CACNB2: variants seen among roughly 807,000 people sequenced by gnomAD.
CACNB2 encodes calcium voltage-gated channel auxiliary subunit beta 2.
Under a neutral mutation model 73.3 loss-of-function variants are expected in CACNB2, and 42 were observed. The ratio of observed to expected loss-of-function variants is 0.57; its 90% confidence interval spans 0.45 to 0.74. The LOEUF (loss-of-function observed/expected upper bound fraction) is 0.74, where lower values mean the gene tolerates loss of function less well. Among genes scored for constraint, CACNB2 ranks in the 30% least tolerant of loss-of-function variants. The pLI, the probability that CACNB2 is intolerant of heterozygous loss-of-function variation, is 0.00. For missense variants in CACNB2, 940 were observed against 853.0 expected, an observed-to-expected ratio of 1.10 and a Z score of -1.27; for synonymous variants, 348 against 310.3, an observed-to-expected ratio of 1.12 and a Z score of -1.28.
intron 2 of CACNB2, among the ~76,000 whole-genome samples, chr10:18,170,029 C>T (rs926827585): frequency 2.0e-5 from 3 of 152,192 alleles, no homozygotes; most frequent in Non-Finnish European, 2.9e-5. Flanking sequence ...GCTTTAGGCC[C>T]ACTTTCTTCC....
rs1164745930 is a variant in CACNB2, at chr10:18,228,433, C to CA, written c.213+77474dup. 1.8e-3 allele frequency among the ~76,000 whole-genome samples: 63 copies of CA among 34,788 alleles called. 2 individuals are homozygous for CA. Among genetic ancestry groups the CA allele is most frequent in the East Asian group, 4.9e-3 (6 of 1,218 alleles). The allele number at this position is 34,788 out of a possible 152,430, so 22.8% of individuals were successfully genotyped here. The stretch of plus-strand genomic sequence containing the variant: ...GAGCAACAAGAGCAAAACTCTACCT[C>CA]AAAAAAAAAAAAAAAAGAAAAAAAA... On this transcript the variant is annotated intron_variant, in intron 2 of 13. Transcript: ENST00000324631.
chr10:18,418,799 C>T (rs1039446053), intron 3 of CACNB2, among the ~76,000 whole-genome samples: 1 of 152,214 alleles, frequency 6.6e-6, no homozygotes, highest in East Asian at 1.9e-4. Context: ...ATCATGGTCT[C>T]ATCCTGCCCT....
intron 2 of CACNB2, chr10:18,224,368 G>A (rs916354669): frequency 6.7e-6 from 1 of 150,364 alleles, no homozygotes; most frequent in Non-Finnish European, 1.5e-5. Flanking sequence ...TTTCTTTGTA[G>A]TCTCAAAGCT....
chr10:18,171,521 G>GAAAAAAAAA lies in CACNB2; in HGVS notation c.213+20566_213+20574dup, dbSNP rs370201485. On this transcript the variant is annotated intron_variant, in intron 2 of 13. Transcript: ENST00000324631. ...TCCCTTCTTCCCGGCTTTGATAGCA[G>GAAAAAAAAA]AAAAAAAAAAAAAAAAAAAAAAAAA... 1.2e-3 allele frequency among the ~76,000 whole-genome samples: 40 copies of GAAAAAAAAA among 32,604 alleles called. 11 individuals carry two copies. Among genetic ancestry groups the GAAAAAAAAA allele is most frequent in the Non-Finnish European group, 1.5e-3 (27 of 17,508 alleles). 21.4% of individuals were successfully genotyped at this position (32,604 alleles called of 152,430 possible). A position where few individuals can be genotyped will look rare whatever the true frequency, so the allele number is the denominator to read the frequency against.
At chr10:18,214,039 A>G (rs2131362355) in intron 2 of CACNB2, among the ~76,000 whole-genome samples, 1 of 152,290 alleles carries the variant, frequency 6.6e-6, no homozygotes, top group Admixed American at 6.5e-5. Context: ...GAAGATTCCC[A>G]GTTTACTTCA....
chr10:18,373,473 C>CA (rs1178288269), intron 2 of CACNB2, among the ~76,000 whole-genome samples: 15 of 152,132 alleles, frequency 9.9e-5, no homozygotes, highest in African/African-American at 3.4e-4. Flanking sequence ...TTATTCCAAA[C>CA]AATGTTTTTA....
At chr10:18,413,665 C>G (rs2044765230) in intron 3 of CACNB2, among the ~76,000 whole-genome samples, 1 of 152,238 alleles carries the variant, frequency 6.6e-6, no homozygotes. Context: ...CATGCATTCT[C>G]TATGCAACTG....
rs145769477 is a variant in CACNB2 at position 18,398,829 on chromosome 10, T to C, written c.214-3095T>C. 6.2e-3 allele frequency among the ~76,000 whole-genome samples: 943 copies of C among 152,292 alleles called. 2 individuals carry two copies. Among genetic ancestry groups the C allele is most frequent in the Non-Finnish European group, 0.01 (714 of 68,024 alleles). On this transcript the variant is annotated intron_variant, in intron 2 of 13. Coordinates refer to ENST00000324631, the MANE Select transcript of CACNB2 (RefSeq NM_201596.3). ...GATCAATTGGTAGTCACATCCTGTA[T>C]TATAAAATAGTCAAGCCATTGCCAA...
At chr10:18,393,429 T>C (rs964205003) in intron 2 of CACNB2, among the ~76,000 whole-genome samples, 1 of 152,222 alleles carries the variant, frequency 6.6e-6, no homozygotes, top group Non-Finnish European at 1.5e-5. Context: ...GAGCAGAGGC[T>C]CTTCTATAAA....
At chr10:18,498,679 C>G in intron 4 of CACNB2, 1 of 576,632 alleles carries the variant, frequency 1.7e-6, no homozygotes, top group East Asian at 3.2e-5. Context: ...AGGCCTCTTG[C>G]AATAACTTCA....
chr10:18,319,807 T>C (rs951420665), intron 2 of CACNB2, among the ~76,000 whole-genome samples: 14 of 152,114 alleles, frequency 9.2e-5, no homozygotes, highest in African/African-American at 3.4e-4. Context: ...AGCTGAGACC[T>C]GTATGACAAG....
chr10:18,502,793 C>A (rs1381357973), intron 5 of CACNB2, among the ~76,000 whole-genome samples: 2 of 147,832 alleles, frequency 1.4e-5, no homozygotes, highest in East Asian at 3.9e-4. Context: ...ACATAAGACA[C>A]TGGGGACTAC....
intron 2 of CACNB2, among the ~76,000 whole-genome samples, chr10:18,315,520 A>AAC (rs1564429282): frequency 2.3e-5 from 3 of 130,616 alleles, no homozygotes; most frequent in African/African-American, 8.7e-5. Context: ...AAAAAAAAAA[A>AAC]AAAAAAAACT....
intron 2 of CACNB2, among the ~76,000 whole-genome samples, chr10:18,267,010 G>C (rs1257654942): frequency 6.6e-6 from 1 of 152,112 alleles, no homozygotes; most frequent in Admixed American, 6.6e-5. Flanking sequence ...GTGTGTGTGT[G>C]TATATATGTG....
intron 2 of CACNB2, among the ~76,000 whole-genome samples, chr10:18,251,689 T>TG (rs2037097368): frequency 6.6e-6 from 1 of 152,224 alleles, no homozygotes; most frequent in Non-Finnish European, 1.5e-5. Flanking sequence ...ACAGGAGGCA[T>TG]GGCTGAGAAG....
chr10:18,473,620 T>C (rs1028528323), intron 3 of CACNB2, among the ~76,000 whole-genome samples: 1 of 152,206 alleles, frequency 6.6e-6, no homozygotes, highest in Admixed American at 6.5e-5. Flanking sequence ...TCAATACTTT[T>C]CTGGTGCACT....
chr10:18,357,616 A>C (rs548180127), intron 2 of CACNB2, among the ~76,000 whole-genome samples: 27 of 152,328 alleles, frequency 1.8e-4, no homozygotes, highest in African/African-American at 5.8e-4. Flanking sequence ...AATTCAGTAT[A>C]TTTTACAACT....
At chr10:18,235,675 G>T (rs547901042) in intron 2 of CACNB2, among the ~76,000 whole-genome samples, 2 of 152,184 alleles carry the variant, frequency 1.3e-5, no homozygotes, top group East Asian at 3.9e-4. Context: ...AAGGCAAGTC[G>T]GTTGGAGCAA....
chr10:18,400,575 G>T, intron 2 of CACNB2: 1 of 1,015,050 alleles, frequency 9.9e-7, no homozygotes, highest in Non-Finnish European at 1.2e-6. Context: ...CCTCCCCCTC[G>T]AGATCTCCAA....
Sources: allele counts gnomAD v4.1 joint callset (sites outside exome capture counted in the v4.1 genomes callset), GRCh38; gene constraint gnomAD v4.1.1; transcripts MANE v1.5; gene names NCBI Gene and HGNC (gene_info 2026-07-23, HGNC 2026-07-21).